Variants in TJP2 observed in about 807,000 individuals in gnomAD.
The protein encoded by TJP2 is Friedreich ataxia region gene X104 (tight junction protein ZO-2).
Under a neutral mutation model 133.1 loss-of-function variants are expected in TJP2, and 91 were observed. That is an observed-to-expected ratio of 0.68 (90% CI 0.58 to 0.81). TJP2 has a LOEUF of 0.81. Ranked by LOEUF, TJP2 falls within the 40% of genes least tolerant of loss-of-function variation. The probability of loss-of-function intolerance (pLI) is 0.00; values close to 1 mark genes in which losing one functional copy is unlikely to be tolerated. For synonymous variants in TJP2, 592 were observed against 583.4 expected, an observed-to-expected ratio of 1.01 and a Z score of -0.21; for missense variants, 1,541 against 1,565.6, an observed-to-expected ratio of 0.98 and a Z score of 0.26.
chr9:69,140,965 G>A (rs1471149237), intron 1 of TJP2, among the ~76,000 whole-genome samples: 1 of 152,198 alleles, frequency 6.6e-6, no homozygotes, highest in Non-Finnish European at 1.5e-5. Flanking sequence ...TCCTGCCTTA[G>A]CTTCCCAGGT....
chr9:69,122,886 T>G (rs1822210459), intron 1 of TJP2, among the ~76,000 whole-genome samples: 1 of 152,194 alleles, frequency 6.6e-6, no homozygotes, highest in South Asian at 2.1e-4. Flanking sequence ...ACTTGAGAGA[T>G]ACTACCTATC....
At chr9:69,151,745 G>A (rs1353127237) in exon 2 of TJP2, 2 of 1,231,998 alleles carry the variant, frequency 1.6e-6, no homozygotes, top group African/African-American at 1.6e-5. Flanking sequence ...GCACAGAGCT[G>A]TACCAGTACA....
chr9:69,137,140 G>T (rs1243065793), intron 1 of TJP2, among the ~76,000 whole-genome samples: 1 of 152,064 alleles, frequency 6.6e-6, no homozygotes, highest in Non-Finnish European at 1.5e-5. Context: ...TCTTTCTCAG[G>T]TCGGCAGCCT....
intron 1 of TJP2, among the ~76,000 whole-genome samples, chr9:69,175,517 G>T (rs148827823): frequency 4.6e-5 from 7 of 152,324 alleles, no homozygotes; most frequent in Non-Finnish European, 8.8e-5. Flanking sequence ...ATTCGTAGTG[G>T]TAAATGTATT....
intron 10 of TJP2, 48 bp downstream of exon 10, chr9:69,229,298 G>C (rs534042226): frequency 1.3e-6 from 2 of 1,570,522 alleles, no homozygotes; most frequent in East Asian, 4.5e-5. Flanking sequence ...TTACAGCTCT[G>C]TCTCTGTAAC....
chr9:69,144,911 G>A (rs1297645780), intron 1 of TJP2, among the ~76,000 whole-genome samples: 1 of 151,064 alleles, frequency 6.6e-6, no homozygotes, highest in Non-Finnish European at 1.5e-5. Flanking sequence ...GGCCCATTGA[G>A]TGGGCCACCA....
rs146741666 is a variant in TJP2, at chr9:69,236,952, T to A, written c.1995T>A (p.Ala665=). The change falls in exon 14 of 23, where the codon GCT becomes GCA. Residue 665 remains alanine (A), a synonymous_variant. Transcript: ENST00000377245. ...EKGLIPNKSR[A]EQMASVQNAQ... ...ACTTCCCGTGGTTTCTTCTCAGAGCTGAACAAATGGCCAGTGTTCAAAATG... is the reference window on the plus strand; with the variant it reads ...ACTTCCCGTGGTTTCTTCTCAGAGCAGAACAAATGGCCAGTGTTCAAAATG... 28 of 1,614,116 alleles carry A rather than the reference T, an allele frequency of 1.7e-5. No homozygotes were observed. The highest frequency in any genetic ancestry group is 2.3e-5 in the Non-Finnish European group (27 of 1,180,048).
chr9:69,231,549 GA>G (rs1829786177), intron 11 of TJP2, among the ~76,000 whole-genome samples: 1 of 151,974 alleles, frequency 6.6e-6, no homozygotes, highest in South Asian at 2.1e-4. Flanking sequence ...GGAGAGGGGA[GA>G]AAAAAGTTCT....
intron 12 of TJP2, 44 bp downstream of exon 12, chr9:69,234,591 G>GGGGGGGGCC: frequency 8.7e-6 from 5 of 572,840 alleles, no homozygotes; most frequent in African/African-American, 4.0e-5. Flanking sequence ...TGGGGGTGGG[G>GGGGGGGGCC]AGTGGGAAGG....
At chr9:69,176,727 A>G (rs553568846) in intron 1 of TJP2, among the ~76,000 whole-genome samples, 1 of 152,374 alleles carries the variant, frequency 6.6e-6, no homozygotes, top group South Asian at 2.1e-4. Flanking sequence ...ACAAAAGTTC[A>G]CAGCCAACCA....
At chr9:69,181,484 G>A (rs922209635) in intron 1 of TJP2, among the ~76,000 whole-genome samples, 1 of 152,062 alleles carries the variant, frequency 6.6e-6, no homozygotes, top group Non-Finnish European at 1.5e-5. Flanking sequence ...TCCTGAGCTC[G>A]TGATCCGCCT....
At chr9:69,224,683 AG>A (rs1192130927) in intron 5 of TJP2, among the ~76,000 whole-genome samples, 1 of 152,236 alleles carries the variant, frequency 6.6e-6, no homozygotes, top group African/African-American at 2.4e-5. Context: ...TCTCAAAAAA[AG>A]AAAGAAAAAG....
At chr9:69,173,504 T>C (rs1433876099), upstream of TJP2, among the ~76,000 whole-genome samples, 1 of 152,148 alleles carries the variant, frequency 6.6e-6, no homozygotes, top group African/African-American at 2.4e-5. Flanking sequence ...GGAGTTTCAA[T>C]CTCTTTATTG....
At chr9:69,236,895 A>T in intron 13 of TJP2, 54 bp from the exon 14 acceptor site, 1 of 1,577,416 alleles carries the variant, frequency 6.3e-7, no homozygotes, top group Non-Finnish European at 8.7e-7. Flanking sequence ...AATGAAATGC[A>T]TGTTAGCTGC....
intron 12 of TJP2, among the ~76,000 whole-genome samples, chr9:69,235,407 C>G (rs936456567): frequency 2.0e-5 from 3 of 152,024 alleles, no homozygotes; most frequent in African/African-American, 2.4e-5. Flanking sequence ...ACTGCAAGCT[C>G]TGCCTCCCAG....
chr9:69,181,597 C>CA lies in TJP2; in HGVS notation c.60+7168dup, dbSNP rs1246738302. Among the ~76,000 whole-genome samples the CA allele has an allele frequency of 3.3e-5, 5 of 152,314 alleles. No individual in the cohort carries two copies. The East Asian group carries it at 9.6e-4, about 29-fold the overall frequency. On this transcript the variant is annotated intron_variant, in intron 1 of 22. Coordinates refer to ENST00000377245, the MANE Select transcript of TJP2 (RefSeq NM_004817.4). ...AATGAGTAGTTACAGTTGATCATCT[C>CA]AAAGTCTTTTGTGCTTAAGATTCTG... is the stretch of plus-strand genomic sequence containing the variant.
intron 2 of TJP2, among the ~76,000 whole-genome samples, chr9:69,167,299 AT>A (rs563469423): frequency 5.4e-4 from 82 of 152,158 alleles, no homozygotes; most frequent in African/African-American, 1.8e-3. Flanking sequence ...TTTTGTAAAC[AT>A]TTTTCGTTTC....
chr9:69,214,400 T>C (rs1828188787), intron 2 of TJP2, among the ~76,000 whole-genome samples: 1 of 152,160 alleles, frequency 6.6e-6, no homozygotes, highest in Admixed American at 6.5e-5. Context: ...CTTAGCTTTT[T>C]AAAACACAAA....
At chr9:69,198,571 AGTT>A (rs1826766545) in intron 1 of TJP2, among the ~76,000 whole-genome samples, 1 of 152,234 alleles carries the variant, frequency 6.6e-6, no homozygotes, top group Non-Finnish European at 1.5e-5. Context: ...TCTGGGATCT[AGTT>A]GTGTTGATTC....
Sources: gnomAD v4.1 joint callset for allele counts (sites outside exome capture counted in the v4.1 genomes callset) on GRCh38, gnomAD v4.1.1 for gene constraint, MANE v1.5 for transcripts, NCBI Gene and HGNC (gene_info 2026-07-23, HGNC 2026-07-21) for gene names.